The following LDOC1 variants were observed in gnomAD, a reference collection of about 807,000 sequenced individuals.
LDOC1 encodes LDOC1 regulator of NFKB signaling, also known as protein LDOC1.
In LDOC1, 1 loss-of-function variant was observed where a neutral mutation model predicts 4.9. The observed-to-expected ratio is 0.20, with a 90% CI of 0.07 to 0.96. The LOEUF is 0.96. Ranked by LOEUF, LDOC1 falls within the 40% of genes least tolerant of loss-of-function variation. The pLI is 0.62. For missense variants in LDOC1, 76 were observed against 128.1 expected, an observed-to-expected ratio of 0.59 and a Z score of 1.96; for synonymous variants, 55 against 58.3, an observed-to-expected ratio of 0.94 and a Z score of 0.26.
chrX:141,176,440 AAGAG>A lies in LDOC1; in HGVS notation c.*137_*140del. The A allele has an allele frequency of 1.4e-6, 1 of 727,860 alleles. No homozygotes were observed. The highest frequency in any genetic ancestry group is 2.0e-6 in the Non-Finnish European group (1 of 511,316). 60.0% of individuals were successfully genotyped at this position (727,860 alleles called of 1,213,427 possible). On this transcript the variant is annotated 3_prime_UTR_variant, in exon 1 of 1. Transcript: ENST00000370526. ...CAAAGACAAGCACTACGGAGAAATG[AAGAG>A]AGAGAGCAGACGGGCGCGGGTAGGT...
chrX:141,174,673 G>T lies in LDOC1; in HGVS notation c.*1908C>A, dbSNP rs1206530653. 8.9e-6 allele frequency among the ~76,000 whole-genome samples: 1 copy of T among 111,921 alleles called. No individual in the cohort carries two copies. The highest frequency in any genetic ancestry group is 1.9e-5 in the Non-Finnish European group (1 of 53,218). On this transcript the variant is annotated 3_prime_UTR_variant, in exon 1 of 1. Transcript: ENST00000370526. ...TCATGGGTATGATCTCATTTAATCC[G>T]CACCTATGAGGTGATTAATATGAAG...
At position 141,176,622 on chromosome X, in the gene LDOC1, C is replaced by G. The variant is rs782413542; in HGVS notation, c.400G>C (p.Asp134His). The G allele has an allele frequency of 8.3e-7, 1 of 1,211,232 alleles. No individual in the cohort carries two copies. The highest frequency in any genetic ancestry group is 2.2e-5 in the Admixed American group (1 of 46,072). Residue 134 changes from aspartate to histidine, a missense_variant, in exon 1 of 1, where the codon GAC (aspartate) becomes CAC (histidine). By Grantham distance (81) the Asp-to-His change is moderately conservative. Transcript: ENST00000370526. ...TCTTCTTCGTCGTCGTCGTCTTCGT[C>G]GTCATCCCAGCCAAAGCACTGTTTC... ...EMKQCFGWDD[D>H]EDDDDEEEED...
Position 141,176,191 on chromosome X carries a change from G to A in LDOC1, c.*390C>T, listed in dbSNP as rs1468788695. ...AAGTGGCAGCATAGTTCTCTGGGAA[G>A]ATGTAAGCCTGGCAGCAGGGCAGGT... On this transcript the variant is annotated 3_prime_UTR_variant, in exon 1 of 1. Coordinates refer to ENST00000370526, the MANE Select transcript of LDOC1 (RefSeq NM_012317.4). 4.8e-6 allele frequency: 1 copy of A among 209,962 alleles called. No individual in the cohort carries two copies. The highest frequency in any genetic ancestry group is 8.7e-6 in the Non-Finnish European group (1 of 114,959). The allele number at this position is 209,962 out of a possible 1,213,427, so 17.3% of individuals were successfully genotyped here.
Position 141,173,854 on chromosome X carries a change from C to T in LDOC1, c.*2727G>A, listed in dbSNP as rs2013592266. Reference sequence around the variant, plus strand: ...GAAAGGTCATTCCCAGATCTAATCACAGCCCAGATTCTCTTCCTGGCCCTT... The same window carrying T: ...GAAAGGTCATTCCCAGATCTAATCATAGCCCAGATTCTCTTCCTGGCCCTT... On this transcript the variant is annotated 3_prime_UTR_variant, in exon 1 of 1. Coordinates refer to ENST00000370526, the MANE Select transcript of LDOC1 (RefSeq NM_012317.4). Among the ~76,000 whole-genome samples, 1 of 112,009 alleles carries T rather than the reference C, an allele frequency of 8.9e-6. No individual in the cohort carries two copies. Among genetic ancestry groups the T allele is most frequent in the Non-Finnish European group, 1.9e-5 (1 of 53,259 alleles).
Position 141,174,777 on chromosome X carries a change from G to A in LDOC1, c.*1804C>T, listed in dbSNP as rs1199663024. On this transcript the variant is annotated 3_prime_UTR_variant, in exon 1 of 1. Transcript: ENST00000370526. ...TGCCTCAAAAGGCCTTAAACAGTAC[G>A]GAAATGTGTTATCTAAATTAATTAA... Among the ~76,000 whole-genome samples, 2 of 112,163 alleles carry A rather than the reference G, an allele frequency of 1.8e-5. No homozygotes were observed. The highest frequency in any genetic ancestry group is 6.5e-5 in the African/African-American group (2 of 30,858).
Position 141,176,467 on chromosome X carries a change from G to A in LDOC1, c.*114C>T. Reference sequence around the variant, plus strand: ...GAGAGAGAGCAGACGGGCGCGGGTAGGTAAGGGGACCGGAGGGCAAGGGGG... The same window carrying A: ...GAGAGAGAGCAGACGGGCGCGGGTAAGTAAGGGGACCGGAGGGCAAGGGGG... On this transcript the variant is annotated 3_prime_UTR_variant, in exon 1 of 1. Transcript: ENST00000370526. 1 of 961,314 alleles carries A rather than the reference G, an allele frequency of 1.0e-6. No individual in the cohort carries two copies. The highest frequency in any genetic ancestry group is 1.4e-6 in the Non-Finnish European group (1 of 718,055). The allele number at this position is 961,314 out of a possible 1,213,427, so 79.2% of individuals were successfully genotyped here.
At position 141,174,639 on chromosome X, in the gene LDOC1, C is replaced by T. The variant is rs781895663; in HGVS notation, c.*1942G>A. ...TGCTCACCATGTAGCAGGGAAAGTT[C>T]TAAATGCTTCATGGGTATGATCTCA... On this transcript the variant is annotated 3_prime_UTR_variant, in exon 1 of 1. Transcript: ENST00000370526. Among the ~76,000 whole-genome samples, 44 of 111,912 alleles carry T rather than the reference C, an allele frequency of 3.9e-4. No homozygotes were observed. Among genetic ancestry groups the T allele is most frequent in the Non-Finnish European group, 7.3e-4 (39 of 53,199 alleles).
rs781809870 is a variant in LDOC1, at chrX:141,176,686, G to A, written c.336C>T (p.Ser112=). The change falls in exon 1 of 1, where the codon AGC becomes AGT. Residue 112 remains serine (S), a synonymous_variant. Coordinates refer to ENST00000370526, the MANE Select transcript of LDOC1 (RefSeq NM_012317.4). ...AGGCCCGGTAATCACCTAGGATGGG[G>A]CTATCCATCTCGATGTAGGGCACCA... ...EWVVPYIEMD[S]PILGDYRAFL... 8.3e-7 allele frequency: 1 copy of A among 1,212,072 alleles called. No individual in the cohort carries two copies. Among genetic ancestry groups the A allele is most frequent in the Admixed American group, 2.2e-5 (1 of 46,131 alleles).
rs2013597472 is a variant in LDOC1 at position 141,174,583 on chromosome X, G to A, written c.*1998C>T. Among the ~76,000 whole-genome samples the A allele has an allele frequency of 9.0e-6, 1 of 111,677 alleles. No individual in the cohort carries two copies. Among genetic ancestry groups the A allele is most frequent in the African/African-American group, 3.3e-5 (1 of 30,749 alleles). ...TGCTTTCTGAGACTTCTGTTCCCTG[G>A]CCCAGGAGTAACAGCCCATGGTTTG... is the stretch of plus-strand genomic sequence containing the variant. On this transcript the variant is annotated 3_prime_UTR_variant, in exon 1 of 1. Coordinates refer to ENST00000370526, the MANE Select transcript of LDOC1 (RefSeq NM_012317.4).
At position 141,174,631 on chromosome X, in the gene LDOC1, G is replaced by A. The variant is rs372516499; in HGVS notation, c.*1950C>T. On this transcript the variant is annotated 3_prime_UTR_variant, in exon 1 of 1. Transcript: ENST00000370526. ...TTGCTGAGTGCTCACCATGTAGCAG[G>A]GAAAGTTCTAAATGCTTCATGGGTA... Among the ~76,000 whole-genome samples the A allele has an allele frequency of 1.3e-4, 15 of 111,661 alleles. No homozygotes were observed. The South Asian group carries it at 5.6e-3, about 42-fold the overall frequency.
In LDOC1 at chrX:141,175,552, G is replaced by T. The variant is rs1442985340; in HGVS notation, c.*1029C>A. 1.8e-5 allele frequency among the ~76,000 whole-genome samples: 2 copies of T among 111,867 alleles called. No individual in the cohort carries two copies. Among genetic ancestry groups the T allele is most frequent in the African/African-American group, 6.5e-5 (2 of 30,731 alleles). On this transcript the variant is annotated 3_prime_UTR_variant, in exon 1 of 1. Coordinates refer to ENST00000370526, the MANE Select transcript of LDOC1 (RefSeq NM_012317.4). ...CCCAGAGAACACACCCTTTGCCAGG[G>T]CTTTAAGAAATGCGTTGGTGAAGGG...
Position 141,177,114 on chromosome X carries a change from C to A in LDOC1, c.-93G>T, listed in dbSNP as rs1235810059. 36 of 931,949 alleles carry A rather than the reference C, an allele frequency of 3.9e-5. No individual in the cohort carries two copies. The East Asian group carries it at 1.3e-3, about 33-fold the overall frequency. The allele number at this position is 931,949 out of a possible 1,213,427, so 76.8% of individuals were successfully genotyped here. A position where few individuals can be genotyped will look rare whatever the true frequency, so the allele number is the denominator to read the frequency against. On this transcript the variant is annotated 5_prime_UTR_variant, in exon 1 of 1. Transcript: ENST00000370526. ...CAGGAAGTGCGTGTCCACGGAGGCG[C>A]TTGGTGGCCAGGGGCGGGGGGCGGG...
Position 141,173,239 on chromosome X carries a change from T to C in LDOC1, c.*3342A>G, listed in dbSNP as rs1050497967. 4 of 111,892 alleles carry C rather than the reference T, an allele frequency of 3.6e-5. No homozygotes were observed. The East Asian group carries it at 8.4e-4, about 24-fold the overall frequency. The allele number at this position is 111,892 out of a possible 1,213,427, so 9.2% of individuals were successfully genotyped here. ...ATGAATAGAAGAGTCCAAAGATATA[T>C]TGGTATATTTAATACGATTAAATGA... On this transcript the variant is annotated 3_prime_UTR_variant, in exon 1 of 1. Coordinates refer to ENST00000370526, the MANE Select transcript of LDOC1 (RefSeq NM_012317.4).
chrX:141,177,045 ACTCGG>A lies in LDOC1; in HGVS notation c.-29_-25del. 9.3e-7 allele frequency: 1 copy of A among 1,078,959 alleles called. No homozygotes were observed. The highest frequency in any genetic ancestry group is 1.2e-6 in the Non-Finnish European group (1 of 814,208). The allele number at this position is 1,078,959 out of a possible 1,213,427, so 88.9% of individuals were successfully genotyped here. A position where few individuals can be genotyped will look rare whatever the true frequency, so the allele number is the denominator to read the frequency against. The stretch of plus-strand genomic sequence containing the variant: ...ATTGCGAACGGCCTGGAAGGACAGG[ACTCGG>A]CTCGGTTCGGCTCGGCCAAGGTGCG... On this transcript the variant is annotated 5_prime_UTR_variant, in exon 1 of 1. Transcript: ENST00000370526.
Position 141,175,986 on chromosome X carries a change from G to A in LDOC1, c.*595C>T, listed in dbSNP as rs2013610463. Reference sequence around the variant, plus strand: ...CACACCGCGCCCCTGCAGCAATCTGGTGGGGCAGGGGAGGACACTCGGAGT... The same window carrying A: ...CACACCGCGCCCCTGCAGCAATCTGATGGGGCAGGGGAGGACACTCGGAGT... On this transcript the variant is annotated 3_prime_UTR_variant, in exon 1 of 1. Transcript: ENST00000370526. The A allele has an allele frequency of 8.7e-6, 1 of 114,630 alleles. No homozygotes were observed. Among genetic ancestry groups the A allele is most frequent in the South Asian group, 3.5e-4 (1 of 2,822 alleles). 9.4% of individuals were successfully genotyped at this position (114,630 alleles called of 1,213,427 possible).
rs1448784996 is a variant in LDOC1 at position 141,174,940 on chromosome X, T to C, written c.*1641A>G. On this transcript the variant is annotated 3_prime_UTR_variant, in exon 1 of 1. Coordinates refer to ENST00000370526, the MANE Select transcript of LDOC1 (RefSeq NM_012317.4). ...TCTCAAATCCCCAACCAAGCTGCTC[T>C]GCATTAAACATTTCAATGACTTAAC... is the stretch of plus-strand genomic sequence containing the variant. Among the ~76,000 whole-genome samples the C allele has an allele frequency of 9.0e-6, 1 of 111,682 alleles. No individual in the cohort carries two copies. Among genetic ancestry groups the C allele is most frequent in the Non-Finnish European group, 1.9e-5 (1 of 53,170 alleles).
chrX:141,174,425 T>C lies in LDOC1; in HGVS notation c.*2156A>G, dbSNP rs1383869920. The stretch of plus-strand genomic sequence containing the variant: ...CTGTCCACCACGTAAAACAGCTTTG[T>C]TTCTTGCTTCATATAAGACTCCAAA... On this transcript the variant is annotated 3_prime_UTR_variant, in exon 1 of 1. Coordinates refer to ENST00000370526, the MANE Select transcript of LDOC1 (RefSeq NM_012317.4). Among the ~76,000 whole-genome samples the C allele has an allele frequency of 8.9e-6, 1 of 111,876 alleles. No individual in the cohort carries two copies. Among genetic ancestry groups the C allele is most frequent in the Non-Finnish European group, 1.9e-5 (1 of 53,199 alleles).
Position 141,176,894 on chromosome X carries a change from T to A in LDOC1, c.128A>T (p.Gln43Leu). 8.3e-7 allele frequency: 1 copy of A among 1,211,836 alleles called. No homozygotes were observed. Among genetic ancestry groups the A allele is most frequent in the Non-Finnish European group, 1.1e-6 (1 of 895,530 alleles). The change falls in exon 1 of 1, where the codon CAG becomes CTG. Residue 43 changes from glutamine to leucine, a missense_variant. Transcript: ENST00000370526. The part of the protein sequence containing the change: ...LVCERASLLR[Q>L]VRPPSCPVPF... The stretch of plus-strand genomic sequence containing the variant: ...CACCGGGCAGCTCGGCGGACGTACC[T>A]GGCGCAGCAGGCTGGCCCTCTCGCA...
rs782297735 is a variant in LDOC1, at chrX:141,176,541, C to A, written c.*40G>T. On this transcript the variant is annotated 3_prime_UTR_variant, in exon 1 of 1. Transcript: ENST00000370526. ...GAGGGCTGCGGGGAGGGGGTGGCGG[C>A]GTGCAGGGCCCTCCCCCCCGAGGCC... The A allele has an allele frequency of 7.8e-6, 9 of 1,159,992 alleles. No individual in the cohort carries two copies. The highest frequency in any genetic ancestry group is 8.1e-6 in the Non-Finnish European group (7 of 868,208).
Sources: gnomAD v4.1 joint callset for allele counts (sites outside exome capture counted in the v4.1 genomes callset) on GRCh38, gnomAD v4.1.1 for gene constraint, MANE v1.5 for transcripts, NCBI Gene and HGNC (gene_info 2026-07-23, HGNC 2026-07-21) for gene names.